Variants in RHNO1 observed in about 807,000 individuals in gnomAD.
RHNO1 encodes the protein RAD9-HUS1-RAD1 interacting nuclear orphan 1.
RHNO1 carries 9 observed loss-of-function variants against 7.2 expected under a neutral mutation model. That is an observed-to-expected ratio of 1.25 (90% CI 0.75 to 2.18). The LOEUF (loss-of-function observed/expected upper bound fraction) is 2.18. Ranked by LOEUF, RHNO1 falls within the 30% of genes most tolerant of loss-of-function variation. The pLI is 0.00. For missense variants in RHNO1, 292 were observed against 284.5 expected (o/e 1.03, Z -0.19); for synonymous variants, 95 against 107.5 (o/e 0.88, Z 0.72).
intron 1 of RHNO1, among the ~76,000 whole-genome samples, chr12:2,883,071 A>AAAAAAAACAAAC (rs1565487823): frequency 2.2e-5 from 3 of 137,596 alleles, no homozygotes; most frequent in African/African-American, 9.1e-5. Flanking sequence ...TGTCTCAAAA[A>AAAAAAAACAAAC]AAAAAAAAAA....
intron 1 of RHNO1, 133 bp downstream of exon 1, chr12:2,877,415 C>T (rs1377272863): frequency 6.6e-6 from 1 of 152,174 alleles, no homozygotes; most frequent in African/African-American, 2.4e-5. Context: ...GCGTGACAGG[C>T]CCGGGTCCCT....
chr12:2,883,014 C>A (rs112453512), intron 1 of RHNO1, among the ~76,000 whole-genome samples: 228 of 149,990 alleles, frequency 1.5e-3, no homozygotes, highest in African/African-American at 5.0e-3. Flanking sequence ...CTGCAATGAT[C>A]CATGATCACA....
chr12:2,885,171 G>T (rs893370690), intron 1 of RHNO1, 112 bp from the exon 2 acceptor site: 3 of 544,308 alleles, frequency 5.5e-6, no homozygotes, highest in Middle Eastern at 4.9e-4. Context: ...GGTATAGGAG[G>T]CTGTGCTCCC....
rs2098163079 is a variant in RHNO1 at position 2,884,595 on chromosome 12, T to G, written c.-84-688T>G. ...CCAGCCTGGTCTCAAACTCCTGACCTCAGGTGATCCGCCTGCCTCAGCCTC... is the reference window on the plus strand; with the variant it reads ...CCAGCCTGGTCTCAAACTCCTGACCGCAGGTGATCCGCCTGCCTCAGCCTC... On this transcript the variant is annotated intron_variant, in intron 1 of 2. Coordinates refer to ENST00000489288, the MANE Select transcript of RHNO1 (RefSeq NM_001252499.3). Among the ~76,000 whole-genome samples the G allele has an allele frequency of 2.6e-5, 4 of 152,162 alleles. No homozygotes were observed. The South Asian group carries it at 8.3e-4, about 31-fold the overall frequency.
chr12:2,883,858 C>T (rs1461608345), intron 1 of RHNO1, among the ~76,000 whole-genome samples: 1 of 151,806 alleles, frequency 6.6e-6, no homozygotes, highest in Non-Finnish European at 1.5e-5. Flanking sequence ...GAAGAAGTGG[C>T]TAGGGGTGTA....
At chr12:2,887,410 G>A (rs1380315816) in intron 2 of RHNO1, among the ~76,000 whole-genome samples, 1 of 151,262 alleles carries the variant, frequency 6.6e-6, no homozygotes, top group Non-Finnish European at 1.5e-5. Context: ...TCAGGGAGTC[G>A]GAGGTTGCAG....
chr12:2,887,103 G>T (rs911465447), intron 2 of RHNO1: 2 of 412,630 alleles, frequency 4.8e-6, no homozygotes, highest in African/African-American at 4.1e-5. Flanking sequence ...AGCACTTTGG[G>T]AGGCTGAGGT....
chr12:2,884,787 G>A (rs1261615091), intron 1 of RHNO1, among the ~76,000 whole-genome samples: 3 of 151,874 alleles, frequency 2.0e-5, no homozygotes, highest in African/African-American at 7.3e-5. Flanking sequence ...ACAATACTCC[G>A]TCTCGTCTCC....
rs773369846 is a variant in RHNO1, at chr12:2,885,346, CTG to C, written c.-19_-18del. 1.1e-5 allele frequency: 17 copies of C among 1,607,536 alleles called. No homozygotes were observed. The highest frequency in any genetic ancestry group is 1.4e-5 in the Non-Finnish European group (16 of 1,176,684). On this transcript the variant is annotated 5_prime_UTR_variant, in exon 2 of 3. Transcript: ENST00000489288. The stretch of plus-strand genomic sequence containing the variant: ...GCTAACAGCATCATGTGGTTACTAA[CTG>C]TTCCTCATTCACCGGTTGATGCCTC...
intron 2 of RHNO1, chr12:2,886,001 G>A (rs1298703238): frequency 1.3e-5 from 2 of 152,534 alleles, no homozygotes; most frequent in Non-Finnish European, 2.9e-5. Flanking sequence ...GGACTCCAAA[G>A]AATAAGATTC....
intron 2 of RHNO1, among the ~76,000 whole-genome samples, chr12:2,887,460 A>G (rs1228144251): frequency 6.7e-6 from 1 of 148,796 alleles, no homozygotes; most frequent in Non-Finnish European, 1.5e-5. Context: ...CTGGGCGACA[A>G]GAGCAAAACT....
chr12:2,881,734 G>A (rs1017813665), intron 1 of RHNO1, among the ~76,000 whole-genome samples: 2 of 151,402 alleles, frequency 1.3e-5, no homozygotes, highest in African/African-American at 2.4e-5. Flanking sequence ...GCGAAACCCC[G>A]TCTCTACTAA....
At position 2,888,072 on chromosome 12, in the gene RHNO1, C is replaced by T. The variant is rs747355457; in HGVS notation, c.330C>T (p.Pro110=). 1.2e-6 allele frequency: 2 copies of T among 1,614,118 alleles called. No homozygotes were observed. Among genetic ancestry groups the T allele is most frequent in the Non-Finnish European group, 1.7e-6 (2 of 1,180,014 alleles). The stretch of plus-strand genomic sequence containing the variant: ...CCAGTTCAGAGACATTGGGGATCCC[C>T]TTAATCCGAGAGTGCCCCAGTGAAT... ...QSSSSETLGI[P]LIRECPSESE... Residue 110 remains proline (P), a synonymous_variant, in exon 3 of 3, where the codon CCC becomes CCT. Transcript: ENST00000489288.
Position 2,885,717 on chromosome 12 carries a change from G to A in RHNO1, c.168+183G>A, listed in dbSNP as rs542908478. 2.7e-4 allele frequency: 139 copies of A among 505,686 alleles called. 1 individual carries two copies. In the South Asian group the frequency reaches 3.9e-3, roughly 14 times the overall value. The allele number at this position is 505,686 out of a possible 1,614,324, so 31.3% of individuals were successfully genotyped here. On this transcript the variant is annotated intron_variant, in intron 2 of 2. Coordinates refer to ENST00000489288, the MANE Select transcript of RHNO1 (RefSeq NM_001252499.3). ...AGCCTCCCGAGGAGCTGGAACTACAGGCACCCGCCACCACGCCCGGCTAAT... is the reference window on the plus strand; with the variant it reads ...AGCCTCCCGAGGAGCTGGAACTACAAGCACCCGCCACCACGCCCGGCTAAT...
intron 2 of RHNO1, 114 bp from the exon 3 acceptor site, chr12:2,887,796 GT>G (rs2098167332): frequency 7.4e-6 from 6 of 808,934 alleles, no homozygotes; most frequent in Admixed American, 6.1e-5. Context: ...AGTTATTTTA[GT>G]TTTGTGTTCA....
In RHNO1 at chr12:2,888,080, G is replaced by T. The variant is rs367602600; in HGVS notation, c.338G>T (p.Arg113Leu). Residue 113 changes from arginine (R) to leucine (L), a missense_variant, in exon 3 of 3, where the codon CGA becomes CTA. Arg to Leu is a moderately radical substitution (Grantham distance 102). Transcript: ENST00000489288. ...SSETLGIPLIRECPSESEKDV... is the reference protein window; with the variant it reads ...SSETLGIPLILECPSESEKDV... ...GAGACATTGGGGATCCCCTTAATCC[G>T]AGAGTGCCCCAGTGAATCAGAAAAG... The T allele has an allele frequency of 1.2e-6, 2 of 1,613,942 alleles. No individual in the cohort carries two copies. The highest frequency in any genetic ancestry group is 1.7e-6 in the Non-Finnish European group (2 of 1,180,014).
chr12:2,881,965 C>T (rs1434840462), intron 1 of RHNO1, among the ~76,000 whole-genome samples: 1 of 150,072 alleles, frequency 6.7e-6, no homozygotes, highest in East Asian at 1.9e-4. Context: ...ACCTGTATCT[C>T]TACTGCCTAG....
At chr12:2,886,894 C>G in intron 2 of RHNO1, 1 of 445,620 alleles carries the variant, frequency 2.2e-6, no homozygotes, top group Admixed American at 2.4e-5. Context: ...ATTGAATATT[C>G]ATTATATGCC....
chr12:2,887,907 T>A lies in RHNO1; in HGVS notation c.169-4T>A. ...GCTCACCTCACTTTTTTTTTTTTTTTAAGGTATCACCTGATTTTGATACAG... is the reference window on the plus strand; with the variant it reads ...GCTCACCTCACTTTTTTTTTTTTTTAAAGGTATCACCTGATTTTGATACAG... On this transcript the variant is annotated splice_polypyrimidine_tract_variant and splice_region_variant and intron_variant, in intron 2 of 2. Transcript: ENST00000489288. 4.5e-6 allele frequency: 7 copies of A among 1,539,480 alleles called. No homozygotes were observed. Among genetic ancestry groups the A allele is most frequent in the South Asian group, 1.3e-5 (1 of 77,660 alleles).
Sources: gnomAD v4.1 joint callset for allele counts (sites outside exome capture counted in the v4.1 genomes callset) on GRCh38, gnomAD v4.1.1 for gene constraint, MANE v1.5 for transcripts, NCBI Gene and HGNC (gene_info 2026-07-23, HGNC 2026-07-21) for gene names.